The following MYO1E variants were observed in gnomAD, a reference collection of about 807,000 sequenced individuals.
MYO1E encodes unconventional myosin-Ie.
A neutral mutation model predicts 151.1 loss-of-function variants in MYO1E; 68 were observed. That is an observed-to-expected ratio of 0.45 (90% confidence interval 0.37 to 0.55). MYO1E has a LOEUF of 0.55. Among genes scored for constraint, MYO1E ranks in the 20% least tolerant of loss-of-function variants. MYO1E has a pLI of 0.00. For missense variants in MYO1E, 1,363 were observed against 1,389.3 expected (o/e 0.98, Z 0.30); for synonymous variants, 601 against 501.7 (o/e 1.20, Z -2.64).
At chr15:59,280,337 A>G (rs1433533526) in intron 1 of MYO1E, among the ~76,000 whole-genome samples, 1 of 152,194 alleles carries the variant, frequency 6.6e-6, no homozygotes, top group Admixed American at 6.5e-5. Flanking sequence ...AGGATGTCTT[A>G]TAATCAACTG....
intron 12 of MYO1E, 40 bp from the exon 13 acceptor site, chr15:59,210,640 T>C (rs763465870): frequency 1.3e-5 from 18 of 1,405,684 alleles, no homozygotes; most frequent in African/African-American, 2.8e-5. Flanking sequence ...ATTTCCCAGA[T>C]AGCAAGAGCT....
chr15:59,178,314 G>GC, intron 19 of MYO1E, 79 bp downstream of exon 19: 1 of 1,540,262 alleles, frequency 6.5e-7, no homozygotes, highest in South Asian at 1.2e-5. Flanking sequence ...ATGAGAAAAA[G>GC]AAGCCAGCTG....
In MYO1E at chr15:59,135,144, T is replaced by C. The variant is rs1245810617; in HGVS notation, c.*2236A>G. 1 of 152,264 alleles carries C rather than the reference T, an allele frequency of 6.6e-6. No homozygotes were observed. The highest frequency in any genetic ancestry group is 1.5e-5 in the Non-Finnish European group (1 of 68,082). 9.4% of individuals were successfully genotyped at this position (152,264 alleles called of 1,614,324 possible). Reference sequence around the variant, plus strand: ...TCAGCACCATTTGTTGGGCATCTCCTTGAGCCTGGCACTGGCTGGGCACAC... The same window carrying C: ...TCAGCACCATTTGTTGGGCATCTCCCTGAGCCTGGCACTGGCTGGGCACAC... On this transcript the variant is annotated 3_prime_UTR_variant, in exon 28 of 28. Coordinates refer to ENST00000288235, the MANE Select transcript of MYO1E (RefSeq NM_004998.4).
At chr15:59,306,730 C>G (rs1446918099) in intron 1 of MYO1E, among the ~76,000 whole-genome samples, 1 of 152,218 alleles carries the variant, frequency 6.6e-6, no homozygotes, top group Non-Finnish European at 1.5e-5. Context: ...TTACAAAGTA[C>G]TTTCACACTC....
chr15:59,175,232 C>A (rs1240142595), intron 19 of MYO1E, among the ~76,000 whole-genome samples: 1 of 152,198 alleles, frequency 6.6e-6, no homozygotes, highest in Non-Finnish European at 1.5e-5. Context: ...GCACTTGATC[C>A]ACTTGTAAAA....
chr15:59,351,135 G>A (rs745314872), intron 1 of MYO1E, among the ~76,000 whole-genome samples: 2 of 152,112 alleles, frequency 1.3e-5, no homozygotes, highest in African/African-American at 2.4e-5. Flanking sequence ...TCCCGACCTC[G>A]TGATCGGCCC....
At chr15:59,241,274 T>C (rs1017218270) in intron 4 of MYO1E, among the ~76,000 whole-genome samples, 1 of 152,170 alleles carries the variant, frequency 6.6e-6, no homozygotes, top group Non-Finnish European at 1.5e-5. Context: ...CTCAGCAATG[T>C]GGGAGGCCAC....
chr15:59,295,188 G>C (rs766652419), intron 1 of MYO1E, among the ~76,000 whole-genome samples: 3 of 152,078 alleles, frequency 2.0e-5, no homozygotes, highest in Non-Finnish European at 2.9e-5. Context: ...ATCCTAGGAG[G>C]CTTCAGGGAG....
At chr15:59,199,126 C>T (rs933279106) in intron 16 of MYO1E, among the ~76,000 whole-genome samples, 5 of 152,064 alleles carry the variant, frequency 3.3e-5, no homozygotes, top group African/African-American at 1.2e-4. Context: ...GATGGAGTCT[C>T]GCTCTGTCGC....
At chr15:59,258,303 C>G (rs559516676) in intron 3 of MYO1E, among the ~76,000 whole-genome samples, 6 of 152,158 alleles carry the variant, frequency 3.9e-5, no homozygotes, top group African/African-American at 1.4e-4. Context: ...GCTGAGATTG[C>G]AGTATTGCAC....
chr15:59,195,393 G>A, intron 17 of MYO1E, 68 bp downstream of exon 17: 1 of 1,357,458 alleles, frequency 7.4e-7, no homozygotes, highest in African/African-American at 1.4e-5. Context: ...TGCCTGTGAT[G>A]GAGGACGGCT....
At position 59,197,647 on chromosome 15, in the gene MYO1E, G is replaced by A. The variant is rs185207435; in HGVS notation, c.1699-2080C>T. ...AAAGAGAAGTAAGGCTTGAACCCAC[G>A]CCCATGGGCTACCAAGCCTGTTCTT... On this transcript the variant is annotated intron_variant, in intron 16 of 27. Coordinates refer to ENST00000288235, the MANE Select transcript of MYO1E (RefSeq NM_004998.4). 4.3e-3 allele frequency among the ~76,000 whole-genome samples: 661 copies of A among 152,266 alleles called. 17 individuals are homozygous for A. The highest frequency in any genetic ancestry group is 1.4e-3 in the Non-Finnish European group (94 of 68,028).
At chr15:59,293,002 G>C (rs1403508477) in intron 1 of MYO1E, among the ~76,000 whole-genome samples, 3 of 152,182 alleles carry the variant, frequency 2.0e-5, no homozygotes, top group Admixed American at 6.5e-5. Flanking sequence ...TGTGTGCTGG[G>C]CTGGGGAAGC....
chr15:59,258,964 G>T (rs71480509), intron 3 of MYO1E, among the ~76,000 whole-genome samples: 21,368 of 148,342 alleles, frequency 0.14, 2,280 homozygotes, highest in East Asian at 0.52. Context: ...GTTTTTTTTT[G>T]TTTTTGTTTT....
chr15:59,217,050 C>G (rs1166511777), intron 10 of MYO1E, among the ~76,000 whole-genome samples: 1 of 152,126 alleles, frequency 6.6e-6, no homozygotes, highest in Non-Finnish European at 1.5e-5. Flanking sequence ...GGCAATCCAT[C>G]TTTCAGCCAG....
At chr15:59,203,658 G>A (rs2079815820) in intron 15 of MYO1E, among the ~76,000 whole-genome samples, 1 of 152,182 alleles carries the variant, frequency 6.6e-6, no homozygotes, top group African/African-American at 2.4e-5. Flanking sequence ...ACAGGCATGA[G>A]CCACTGCACC....
intron 22 of MYO1E, chr15:59,171,214 C>A (rs1202342353): frequency 6.4e-6 from 1 of 156,302 alleles, no homozygotes; most frequent in Non-Finnish European, 1.5e-5. Flanking sequence ...CATGGGAGGA[C>A]TTCTTAGCAT....
chr15:59,208,185 A>G (rs2079853112), intron 14 of MYO1E: 1 of 1,102,790 alleles, frequency 9.1e-7, no homozygotes, highest in Non-Finnish European at 1.3e-6. Context: ...AAAGATGGAA[A>G]CAGGAAAGTA....
intron 1 of MYO1E, among the ~76,000 whole-genome samples, chr15:59,278,678 TCAGTGCACAGAGTACAATATGAGGAAAA>T (rs1323025493): frequency 2.0e-5 from 3 of 152,176 alleles, no homozygotes; most frequent in Non-Finnish European, 2.9e-5. Flanking sequence ...GTGCTGGACT[TCAGTGCACAGAGTACAATATGAGGAAAA>T]AGTGTTCCTG....
Sources: gnomAD v4.1 joint callset for allele counts (sites outside exome capture counted in the v4.1 genomes callset) on GRCh38, gnomAD v4.1.1 for gene constraint, MANE v1.5 for transcripts, NCBI Gene and HGNC (gene_info 2026-07-23, HGNC 2026-07-21) for gene names.